The following SAMSN1 variants were observed in gnomAD, a reference collection of about 807,000 sequenced individuals.
The protein encoded by SAMSN1 is SAM domain, SH3 domain and nuclear localization signals 1.
In SAMSN1, 31 loss-of-function variants were observed where a neutral mutation model predicts 42.0. The observed-to-expected ratio is 0.74, with a 90% CI of 0.55 to 1.00. SAMSN1 has a LOEUF of 1.00. Ranked by LOEUF, SAMSN1 falls within the 50% of genes least tolerant of loss-of-function variation. The pLI, the probability that SAMSN1 is intolerant of heterozygous loss-of-function variation, is 0.00. For missense variants in SAMSN1, 464 were observed against 439.4 expected (o/e 1.06, Z -0.50); for synonymous variants, 178 against 151.9 (o/e 1.17, Z -1.26).
chr21:14,613,329 G>A lies in SAMSN1; in HGVS notation c.198-416C>T, dbSNP rs573791978. ...ATCTGGAAAATAATCATCAATTATT[G>A]ATAAAGCCTAATTGAAAGGCTGATG... is the stretch of plus-strand genomic sequence containing the variant. On this transcript the variant is annotated intron_variant, in intron 3 of 15. Transcript: ENST00000647101. Among the ~76,000 whole-genome samples the A allele has an allele frequency of 5.9e-5, 9 of 152,202 alleles. 1 individual carries two copies. The highest frequency in any genetic ancestry group is 2.2e-4 in the African/African-American group (9 of 41,536).
intron 2 of SAMSN1, among the ~76,000 whole-genome samples, chr21:14,574,613 A>G (rs954326656): frequency 6.6e-6 from 1 of 152,194 alleles, no homozygotes; most frequent in Non-Finnish European, 1.5e-5. Flanking sequence ...ACTGGTTTGA[A>G]TGCTACATTG....
At chr21:14,564,732 A>G (rs1330141450) in intron 2 of SAMSN1, among the ~76,000 whole-genome samples, 1 of 152,070 alleles carries the variant, frequency 6.6e-6, no homozygotes, top group Admixed American at 6.6e-5. Context: ...GGTTTCTTTC[A>G]ATTCATTTTC....
chr21:14,579,592 ATATT>A (rs1211533851), intron 2 of SAMSN1, among the ~76,000 whole-genome samples: 2 of 150,404 alleles, frequency 1.3e-5, no homozygotes, highest in Non-Finnish European at 2.9e-5. Flanking sequence ...TGCTACTCAA[ATATT>A]TATTTATTTA....
intron 2 of SAMSN1, among the ~76,000 whole-genome samples, chr21:14,628,509 GA>G (rs1186717255): frequency 1.3e-5 from 2 of 152,102 alleles, no homozygotes. Context: ...TCAGAGAGAT[GA>G]AAAAATATAT....
chr21:14,556,089 C>T (rs1445859334), intron 2 of SAMSN1, among the ~76,000 whole-genome samples: 4 of 152,140 alleles, frequency 2.6e-5, no homozygotes. Context: ...AGCTTCCTTT[C>T]CTCAGAAACG....
chr21:14,515,755 A>G lies in SAMSN1; in HGVS notation c.279+1137T>C, dbSNP rs576785069. 3.9e-5 allele frequency among the ~76,000 whole-genome samples: 6 copies of G among 152,332 alleles called. No homozygotes were observed. The East Asian group carries it at 1.2e-3, about 29-fold the overall frequency. ...ATTGCATGTCATATATCTGATAAAA[A>G]ACTTGCATCCAGAATATATAAAAAA... is the stretch of plus-strand genomic sequence containing the variant. On this transcript the variant is annotated intron_variant, in intron 3 of 7. Transcript: ENST00000400566.
At chr21:14,521,856 C>A (rs574069354) in intron 1 of SAMSN1, among the ~76,000 whole-genome samples, 1 of 150,870 alleles carries the variant, frequency 6.6e-6, no homozygotes, top group African/African-American at 2.4e-5. Flanking sequence ...GTACATGTAC[C>A]CCGAAAATTA....
intron 1 of SAMSN1, among the ~76,000 whole-genome samples, chr21:14,648,326 A>G (rs1470378454): frequency 6.6e-6 from 1 of 152,120 alleles, no homozygotes; most frequent in Non-Finnish European, 1.5e-5. Flanking sequence ...CTAGAAGAAA[A>G]CCTAGGCATT....
rs888551001 is a variant in SAMSN1 at position 14,512,489 on chromosome 21, C to T, written c.364G>A (p.Ala122Thr). 7.4e-6 allele frequency: 12 copies of T among 1,613,984 alleles called. No individual in the cohort carries two copies. The highest frequency in any genetic ancestry group is 1.3e-5 in the African/African-American group (1 of 75,016). ...TAGAGACTATCCATGGAGTCACTGG[C>T]TTTGAGGGACACCTTCTCTGTGTGG... ...GTHTEKVSLK[A>T]SDSMDSLYSG... Residue 122 changes from alanine to threonine, a missense_variant, in exon 4 of 8, where the codon GCC becomes ACC. By Grantham distance (58) the Ala-to-Thr change is moderately conservative. Transcript: ENST00000400566.
At chr21:14,507,690 A>G (rs1266311447) in intron 5 of SAMSN1, among the ~76,000 whole-genome samples, 1 of 152,180 alleles carries the variant, frequency 6.6e-6, no homozygotes, top group Non-Finnish European at 1.5e-5. Flanking sequence ...ACAGAATTAG[A>G]AAAAACAATT....
At chr21:14,576,599 G>A (rs1216547034) in intron 2 of SAMSN1, among the ~76,000 whole-genome samples, 1 of 152,124 alleles carries the variant, frequency 6.6e-6, no homozygotes, top group African/African-American at 2.4e-5. Flanking sequence ...ATTTATTGGT[G>A]AACATTAGCA....
intron 2 of SAMSN1, among the ~76,000 whole-genome samples, chr21:14,642,082 G>C (rs1472793852): frequency 1.3e-5 from 2 of 152,160 alleles, no homozygotes; most frequent in Non-Finnish European, 2.9e-5. Context: ...TCATCATAAA[G>C]GTCTTTATTC....
chr21:14,532,681 A>C (rs1979343200), intron 1 of SAMSN1, among the ~76,000 whole-genome samples: 1 of 152,134 alleles, frequency 6.6e-6, no homozygotes, highest in African/African-American at 2.4e-5. Context: ...CTGTATTTTT[A>C]AAGTTATAAA....
intron 2 of SAMSN1, among the ~76,000 whole-genome samples, chr21:14,572,558 G>A (rs764702879): frequency 1.7e-4 from 26 of 152,282 alleles, no homozygotes; most frequent in South Asian, 6.2e-4. Context: ...TGTGCTGTTT[G>A]GGATCTCAGG....
chr21:14,630,740 C>T (rs79324528), intron 2 of SAMSN1, among the ~76,000 whole-genome samples: 2,546 of 152,252 alleles, frequency 0.017, 70 homozygotes, highest in African/African-American at 0.059. Flanking sequence ...GAAAAGATTA[C>T]GTGCACTGTT....
chr21:14,589,836 A>C (rs925636927), intron 7 of SAMSN1, among the ~76,000 whole-genome samples: 14 of 152,136 alleles, frequency 9.2e-5, no homozygotes, highest in Non-Finnish European at 2.1e-4. Flanking sequence ...GATTTGGAAA[A>C]ATTTTCCTCT....
intron 3 of SAMSN1, among the ~76,000 whole-genome samples, chr21:14,613,127 AG>A (rs1160184536): frequency 6.6e-6 from 1 of 152,202 alleles, no homozygotes; most frequent in Non-Finnish European, 1.5e-5. Context: ...TGCAATATGG[AG>A]AAACTGATAT....
At chr21:14,613,791 C>A (rs958596044) in intron 3 of SAMSN1, among the ~76,000 whole-genome samples, 1 of 151,856 alleles carries the variant, frequency 6.6e-6, no homozygotes, top group African/African-American at 2.4e-5. Flanking sequence ...TCACTGAAGA[C>A]CAACTTTTAA....
At chr21:14,500,412 T>C in intron 6 of SAMSN1, 117 bp downstream of exon 6, 1 of 816,234 alleles carries the variant, frequency 1.2e-6, no homozygotes, top group South Asian at 1.7e-5. Flanking sequence ...GGAAAACAGG[T>C]TTTCCTTTGC....
Sources: allele counts gnomAD v4.1 joint callset (sites outside exome capture counted in the v4.1 genomes callset), GRCh38; gene constraint gnomAD v4.1.1; transcripts MANE v1.5; gene names NCBI Gene and HGNC (gene_info 2026-07-23, HGNC 2026-07-21).